Variants in CRB1 observed in about 807,000 individuals in gnomAD.
CRB1 encodes the protein crumbs cell polarity complex component 1, also known as protein crumbs homolog 1.
A neutral mutation model predicts 120.0 loss-of-function variants in CRB1; 83 were observed. That is an observed-to-expected ratio of 0.69 (90% CI 0.58 to 0.83). The LOEUF (loss-of-function observed/expected upper bound fraction) is 0.83. CRB1 is among the 40% of genes least tolerant of loss of function. The pLI, the probability that CRB1 is intolerant of heterozygous loss-of-function variation, is 0.00. For missense variants in CRB1, 1,699 were observed against 1,687.6 expected (o/e 1.01, Z -0.12); for synonymous variants, 625 against 612.5 (o/e 1.02, Z -0.30).
intron 5 of CRB1, among the ~76,000 whole-genome samples, chr1:197,407,604 C>A (rs1663482297): frequency 6.6e-6 from 1 of 152,080 alleles, no homozygotes; most frequent in Non-Finnish European, 1.5e-5. Flanking sequence ...AGAGTGCTAA[C>A]AGAATTACCT....
chr1:197,475,011 A>T (rs764000866), intron 11 of CRB1, among the ~76,000 whole-genome samples: 6 of 152,200 alleles, frequency 3.9e-5, no homozygotes, highest in Non-Finnish European at 7.3e-5. Context: ...TTACAAAAGC[A>T]TGGCCACACA....
In CRB1 at chr1:197,427,538, G is replaced by A; in HGVS notation, c.2213G>A (p.Ser738Asn). 1 of 1,613,850 alleles carries A rather than the reference G, an allele frequency of 6.2e-7. No individual in the cohort carries two copies. Among genetic ancestry groups the A allele is most frequent in the Non-Finnish European group, 8.5e-7 (1 of 1,179,948 alleles). The change falls in exon 7 of 12, where the codon AGC (serine) becomes AAC (asparagine). Residue 738 changes from serine (S) to asparagine (N), a missense_variant. Transcript: ENST00000367400. ...GATGAGAGCTATGGAGACACCATCAGCCTCTCCATGTTTGTCCGAACGCTT... is the reference window on the plus strand; with the variant it reads ...GATGAGAGCTATGGAGACACCATCAACCTCTCCATGTTTGTCCGAACGCTT... ...TLDESYGDTI[S>N]LSMFVRTLQP...
intron 11 of CRB1, among the ~76,000 whole-genome samples, chr1:197,470,838 G>A (rs1558163707): frequency 6.6e-6 from 1 of 152,198 alleles, no homozygotes. Flanking sequence ...ACAGTTTGTA[G>A]AATGCAGAAA....
intron 1 of CRB1, among the ~76,000 whole-genome samples, chr1:197,324,025 GTGAGGC>G (rs1490279751): frequency 6.6e-5 from 10 of 152,194 alleles, no homozygotes; most frequent in Admixed American, 6.5e-4. Flanking sequence ...AACTTTCTCA[GTGAGGC>G]CACTGACCTT....
At chr1:197,459,763 G>A (rs1666439177) in intron 11 of CRB1, among the ~76,000 whole-genome samples, 1 of 152,018 alleles carries the variant, frequency 6.6e-6, no homozygotes, top group Admixed American at 6.6e-5. Context: ...TATATTCTCA[G>A]ACGAATTCTT....
chr1:197,363,619 G>A (rs1384906722), intron 5 of CRB1, among the ~76,000 whole-genome samples: 1 of 152,124 alleles, frequency 6.6e-6, no homozygotes, highest in Non-Finnish European at 1.5e-5. Context: ...GGCCGGCTCG[G>A]CAGGAAGGCA....
At chr1:197,270,504 C>G (rs1335236047) in intron 1 of CRB1, among the ~76,000 whole-genome samples, 1 of 152,098 alleles carries the variant, frequency 6.6e-6, no homozygotes, top group Non-Finnish European at 1.5e-5. Context: ...TACAATAAAT[C>G]TTTATTAAGA....
chr1:197,278,167 C>A (rs554009584), intron 1 of CRB1, among the ~76,000 whole-genome samples: 3 of 151,938 alleles, frequency 2.0e-5, no homozygotes, highest in South Asian at 4.1e-4. Flanking sequence ...GGGGGTGGGG[C>A]CTTTGGTAGG....
chr1:197,269,587 G>A (rs1654794182), intron 1 of CRB1, among the ~76,000 whole-genome samples: 1 of 151,964 alleles, frequency 6.6e-6, no homozygotes, highest in Admixed American at 6.6e-5. Flanking sequence ...GAAACTTAAT[G>A]TGGGCCCCAG....
intron 11 of CRB1, chr1:197,442,864 C>T (rs926684412): frequency 5.4e-6 from 1 of 184,648 alleles, no homozygotes; most frequent in Non-Finnish European, 1.1e-5. Flanking sequence ...GTGGTTCACT[C>T]CTATAATCCC....
chr1:197,407,215 A>G (rs1663457411), intron 5 of CRB1, among the ~76,000 whole-genome samples: 2 of 152,250 alleles, frequency 1.3e-5, no homozygotes, highest in African/African-American at 4.8e-5. Flanking sequence ...TTGCATATTT[A>G]AGATATTCTT....
intron 1 of CRB1, among the ~76,000 whole-genome samples, chr1:197,327,638 AT>A (rs1658593969): frequency 6.6e-6 from 1 of 152,236 alleles, no homozygotes; most frequent in Admixed American, 6.5e-5. Flanking sequence ...AAAAAACTTT[AT>A]TTTAGCACTA....
At chr1:197,391,931 G>A (rs1351676412) in intron 5 of CRB1, among the ~76,000 whole-genome samples, 1 of 152,056 alleles carries the variant, frequency 6.6e-6, no homozygotes, top group Non-Finnish European at 1.5e-5. Context: ...TAGGAGATCT[G>A]CTTACAGAAT....
chr1:197,409,929 G>A (rs1246678831), intron 5 of CRB1, among the ~76,000 whole-genome samples: 2 of 152,114 alleles, frequency 1.3e-5, no homozygotes, highest in South Asian at 2.1e-4. Flanking sequence ...GATTACAGGC[G>A]CCCGCCACCA....
At chr1:197,254,843 A>G in the CRB1 span, among the ~76,000 whole-genome samples, 5 of 152,278 alleles carry the variant, frequency 3.3e-5, no homozygotes, top group African/African-American at 9.6e-5. Context: ...GTATACATCA[A>G]TTCAATGTTT....
intron 11 of CRB1, among the ~76,000 whole-genome samples, chr1:197,453,568 A>C (rs78970982): frequency 8.9e-6 from 1 of 111,990 alleles, no homozygotes; most frequent in Non-Finnish European, 2.1e-5. Context: ...AGAGAGAGAG[A>C]GGGAGAGGGA....
chr1:197,310,641 A>G lies in CRB1; in HGVS notation c.71-17781A>G, dbSNP rs181587954. Among the ~76,000 whole-genome samples, 700 of 152,300 alleles carry G rather than the reference A, an allele frequency of 4.6e-3. 3 individuals are homozygous for G. Among genetic ancestry groups the G allele is most frequent in the South Asian group, 0.011 (51 of 4,828 alleles). ...CAACAAGTGATACATATCTATATCT[A>G]TATAGATATAGATATAGAAAATTCA... On this transcript the variant is annotated intron_variant, in intron 1 of 11. Coordinates refer to ENST00000367400, the MANE Select transcript of CRB1 (RefSeq NM_201253.3).
chr1:197,378,621 A>T (rs1661773380), intron 5 of CRB1, among the ~76,000 whole-genome samples: 1 of 152,106 alleles, frequency 6.6e-6, no homozygotes, highest in South Asian at 2.1e-4. Context: ...TGGTAGTCTG[A>T]CCCCAATAAG....
intron 1 of CRB1, among the ~76,000 whole-genome samples, chr1:197,287,343 G>C (rs867582638): frequency 2.0e-5 from 3 of 151,822 alleles, no homozygotes; most frequent in Non-Finnish European, 4.4e-5. Context: ...TCTCCTCAGA[G>C]TTTGTCATTT....
Sources: allele counts gnomAD v4.1 joint callset (sites outside exome capture counted in the v4.1 genomes callset), GRCh38; gene constraint gnomAD v4.1.1; transcripts MANE v1.5; gene names NCBI Gene and HGNC (gene_info 2026-07-23, HGNC 2026-07-21).